The following PADI4 variants were observed in gnomAD, a reference collection of about 807,000 sequenced individuals.
The protein encoded by PADI4 is peptidyl arginine deiminase 4.
In PADI4, 62 loss-of-function variants were observed where a neutral mutation model predicts 75.0. The observed-to-expected ratio is 0.83, with a 90% CI of 0.67 to 1.02. The LOEUF (loss-of-function observed/expected upper bound fraction) is 1.02, where lower values mean the gene tolerates loss of function less well. Among genes scored for constraint, PADI4 ranks in the 50% least tolerant of loss-of-function variants. PADI4 has a pLI of 0.00. For synonymous variants in PADI4, 361 were observed against 348.1 expected (o/e 1.04, Z -0.41); for missense variants, 845 against 850.5 (o/e 0.99, Z 0.08).
At chr1:17,342,520 C>T in intron 8 of PADI4, 118 bp downstream of exon 8, 2 of 657,358 alleles carry the variant, frequency 3.0e-6, no homozygotes, top group Non-Finnish European at 5.4e-6. Flanking sequence ...TGAGAGCTTG[C>T]TGCTTGTTGG....
At chr1:17,360,810 G>A (rs1218229266) in intron 15 of PADI4, among the ~76,000 whole-genome samples, 6 of 152,192 alleles carry the variant, frequency 3.9e-5, no homozygotes, top group African/African-American at 1.4e-4. Flanking sequence ...GGAGGGTCCG[G>A]GAAGGCCTCT....
intron 1 of PADI4, among the ~76,000 whole-genome samples, chr1:17,313,821 C>T (rs533972505): frequency 1.3e-5 from 2 of 152,256 alleles, no homozygotes; most frequent in South Asian, 2.1e-4. Flanking sequence ...TTGGAAGTTA[C>T]AAGAAGATTC....
In PADI4 at chr1:17,347,989, G is replaced by A. The variant is rs139880564; in HGVS notation, c.1096G>A (p.Val366Met). ...CCAAGCCCCACACAAAACGCTGCCC[G>A]TGGTCTTCGACTCTCCAAGGAACAG... ...YIQAPHKTLP[V>M]VFDSPRNRGL... Residue 366 changes from valine to methionine, a missense_variant, in exon 10 of 16, where the codon GTG becomes ATG. By Grantham distance (21) the Val-to-Met change is conservative (BLOSUM62 1). Transcript: ENST00000375448. 51 of 1,607,116 alleles carry A rather than the reference G, an allele frequency of 3.2e-5. No homozygotes were observed. Among genetic ancestry groups the A allele is most frequent in the Admixed American group, 6.7e-5 (4 of 59,606 alleles).
At chr1:17,327,239 T>C (rs1030898369) in intron 1 of PADI4, among the ~76,000 whole-genome samples, 1 of 152,190 alleles carries the variant, frequency 6.6e-6, no homozygotes, top group Non-Finnish European at 1.5e-5. Flanking sequence ...ATTAGATGCA[T>C]ACAAGTTTAG....
intron 13 of PADI4, among the ~76,000 whole-genome samples, chr1:17,357,344 TTTTTAG>T (rs1185676813): frequency 8.6e-5 from 13 of 152,026 alleles, no homozygotes; most frequent in South Asian, 2.1e-4. Context: ...ATGTTTTGTA[TTTTTAG>T]TAGAGATGGG....
intron 1 of PADI4, among the ~76,000 whole-genome samples, chr1:17,330,639 C>T (rs1412406646): frequency 6.6e-6 from 1 of 152,114 alleles, no homozygotes; most frequent in Non-Finnish European, 1.5e-5. Context: ...AGGAAGCATC[C>T]AGCATTGGAG....
chr1:17,315,644 C>A (rs942740716), intron 1 of PADI4, among the ~76,000 whole-genome samples: 1 of 151,902 alleles, frequency 6.6e-6, no homozygotes, highest in Non-Finnish European at 1.5e-5. Context: ...GGGAAGGACC[C>A]CCAACACTGG....
chr1:17,340,659 G>A (rs2100736655), intron 6 of PADI4, among the ~76,000 whole-genome samples: 1 of 152,054 alleles, frequency 6.6e-6, no homozygotes, highest in African/African-American at 2.4e-5. Context: ...GGGGAAGGGG[G>A]AGGTCAGGTA....
intron 10 of PADI4, among the ~76,000 whole-genome samples, chr1:17,352,209 T>G (rs572511377): frequency 0.047 from 4,852 of 103,680 alleles, 316 homozygotes; most frequent in African/African-American, 0.16. Context: ...TGGGAGGTGG[T>G]AAGAGGGGTG....
chr1:17,362,109 G>T (rs2100264477), intron 15 of PADI4, among the ~76,000 whole-genome samples: 1 of 152,208 alleles, frequency 6.6e-6, no homozygotes, highest in South Asian at 2.1e-4. Context: ...CAGGAGGGGT[G>T]GCTCATACCT....
chr1:17,313,870 C>T (rs1168861405), intron 1 of PADI4, among the ~76,000 whole-genome samples: 12 of 152,292 alleles, frequency 7.9e-5, no homozygotes, highest in Admixed American at 2.0e-4. Flanking sequence ...GTGGGTCACA[C>T]GCTTGAGGGC....
Position 17,347,890 on chromosome 1 carries a change from C to T in PADI4, c.1048-51C>T, listed in dbSNP as rs749098558. The T allele has an allele frequency of 2.7e-6, 3 of 1,100,782 alleles. No individual in the cohort carries two copies. In the South Asian group the frequency reaches 4.9e-5, roughly 18 times the overall value. The allele number at this position is 1,100,782 out of a possible 1,614,324, so 68.2% of individuals were successfully genotyped here. A position where few individuals can be genotyped will look rare whatever the true frequency, so the allele number is the denominator to read the frequency against. Reference sequence around the variant, plus strand: ...CATGCCCCCATCCTGGCGTCGGGCACCAAGACCCAGGCAGCACGCGCAACA... The same window carrying T: ...CATGCCCCCATCCTGGCGTCGGGCATCAAGACCCAGGCAGCACGCGCAACA... On this transcript the variant is annotated intron_variant, in intron 9 of 15. Transcript: ENST00000375448.
At chr1:17,317,987 G>A (rs952974730) in intron 1 of PADI4, among the ~76,000 whole-genome samples, 2 of 152,230 alleles carry the variant, frequency 1.3e-5, no homozygotes, top group African/African-American at 4.8e-5. Flanking sequence ...TTGTGCCTCT[G>A]CATTCCAGCA....
chr1:17,349,315 G>A (rs1042794564), intron 10 of PADI4, among the ~76,000 whole-genome samples: 1 of 152,172 alleles, frequency 6.6e-6, no homozygotes, highest in African/African-American at 2.4e-5. Flanking sequence ...CGGACACCTC[G>A]GCACCATTGT....
At chr1:17,351,967 CCAGGGAGGTGATGGGAGGAGAGGCAGT>C (rs2074640994) in intron 10 of PADI4, among the ~76,000 whole-genome samples, 5 of 48,486 alleles carry the variant, frequency 1.0e-4, no homozygotes, top group South Asian at 6.9e-4. Context: ...GGAGAGGCGG[CCAGGGAGGTGATGGGAGGAGAGGCAGT>C]CAGGGAGGTG....
chr1:17,322,402 T>C (rs1271479203), intron 1 of PADI4, among the ~76,000 whole-genome samples: 3 of 152,042 alleles, frequency 2.0e-5, no homozygotes, highest in Admixed American at 1.3e-4. Flanking sequence ...GACAGGAGAA[T>C]TGCTTGAACC....
At chr1:17,309,571 A>C (rs2100638867) in intron 1 of PADI4, among the ~76,000 whole-genome samples, 1 of 152,352 alleles carries the variant, frequency 6.6e-6, no homozygotes, top group Middle Eastern at 3.4e-3. Context: ...TGATTCCTAA[A>C]TTATCCTGCA....
rs535991348 is a variant in PADI4 at position 17,340,038 on chromosome 1, T to A, written c.652+225T>A. ...CTCCCTGCTTTTCTTTCTCTCTCTCTCACACACGCGCGCGCACACACACAC... is the reference window on the plus strand; with the variant it reads ...CTCCCTGCTTTTCTTTCTCTCTCTCACACACACGCGCGCGCACACACACAC... On this transcript the variant is annotated intron_variant, in intron 6 of 15. Transcript: ENST00000375448. Among the ~76,000 whole-genome samples the A allele has an allele frequency of 3.7e-3, 446 of 118,970 alleles. 4 individuals are homozygous for A. Among genetic ancestry groups the A allele is most frequent in the Admixed American group, 0.034 (390 of 11,572 alleles). 78.0% of individuals were successfully genotyped at this position (118,970 alleles called of 152,430 possible).
intron 1 of PADI4, among the ~76,000 whole-genome samples, chr1:17,318,812 A>G (rs1171146449): frequency 6.7e-6 from 1 of 149,690 alleles, no homozygotes; most frequent in African/African-American, 2.5e-5. Context: ...CAGCCTCCCG[A>G]GTAGCTGGGA....
Sources: gnomAD v4.1 joint callset for allele counts (sites outside exome capture counted in the v4.1 genomes callset) on GRCh38, gnomAD v4.1.1 for gene constraint, MANE v1.5 for transcripts, NCBI Gene and HGNC (gene_info 2026-07-23, HGNC 2026-07-21) for gene names.